Variants in CD163L1 observed in about 807,000 individuals in gnomAD.
The protein encoded by CD163L1 is CD163 molecule like 1.
A neutral mutation model predicts 165.4 loss-of-function variants in CD163L1; 124 were observed. The ratio of observed to expected loss-of-function variants is 0.75; its 90% confidence interval spans 0.65 to 0.87. CD163L1 has a LOEUF of 0.87. Among genes scored for constraint, CD163L1 ranks in the 40% least tolerant of loss-of-function variants. CD163L1 has a pLI of 0.00. For synonymous variants in CD163L1, 585 were observed against 662.2 expected (o/e 0.88, Z 1.79); for missense variants, 1,525 against 1,799.9 (o/e 0.85, Z 2.76).
At chr12:7,416,985 T>C (rs1948255393) in intron 4 of CD163L1, among the ~76,000 whole-genome samples, 3 of 152,188 alleles carry the variant, frequency 2.0e-5, no homozygotes, top group African/African-American at 7.2e-5. Context: ...GGGGATAGCA[T>C]TGAATCTATA....
intron 9 of CD163L1, among the ~76,000 whole-genome samples, chr12:7,376,881 A>G (rs1182711413): frequency 6.6e-6 from 1 of 152,172 alleles, no homozygotes; most frequent in Admixed American, 6.5e-5. Flanking sequence ...TTATTCCTCT[A>G]TAGTTCATCT....
chr12:7,369,567 G>A lies in CD163L1; in HGVS notation c.3829C>T (p.Leu1277=). 1 of 1,614,152 alleles carries A rather than the reference G, an allele frequency of 6.2e-7. No individual in the cohort carries two copies. Among genetic ancestry groups the A allele is most frequent in the East Asian group, 2.2e-5 (1 of 44,892 alleles). ...WGTVCDDSWD[L]AEAEVVCQQL... is the part of the protein sequence containing the mutation. ...TGACACACCACTTCCGCCTCGGCCA[G>A]GTCCCAGGAGTCATCACACACTGTG... The change falls in exon 15 of 20, where the codon CTG becomes TTG. Residue 1277 remains leucine (L), a synonymous_variant. Coordinates refer to ENST00000313599, the MANE Select transcript of CD163L1 (RefSeq NM_174941.6). The surrounding 1 kb of genome is among the most constrained non-coding windows in gnomAD (Gnocchi z 4.9).
Position 7,400,106 on chromosome 12 carries a change from C to T in CD163L1, c.1409-1522G>A, listed in dbSNP as rs999935996. On this transcript the variant is annotated intron_variant, in intron 6 of 19. Transcript: ENST00000313599. This position sits in a 1 kb window ranked among gnomAD's most constrained non-coding sequence, Gnocchi z 4.1. ...TAACATTTAATGATTGCATAGGATA[C>T]CATCATATAGAGATATAGAGATTCT... Among the ~76,000 whole-genome samples the T allele has an allele frequency of 2.6e-5, 4 of 152,028 alleles. No homozygotes were observed. Among genetic ancestry groups the T allele is most frequent in the African/African-American group, 9.7e-5 (4 of 41,392 alleles).
intron 4 of CD163L1, among the ~76,000 whole-genome samples, chr12:7,416,800 A>G (rs1948251505): frequency 6.6e-6 from 1 of 152,176 alleles, no homozygotes; most frequent in Admixed American, 6.5e-5. Context: ...TATGAGTACC[A>G]TGCTGTTTCA....
At chr12:7,348,301 T>C (rs1946684296) in intron 4 of CD163L1, among the ~76,000 whole-genome samples, 1 of 152,200 alleles carries the variant, frequency 6.6e-6, no homozygotes, top group Non-Finnish European at 1.5e-5. Context: ...AGTCACATGA[T>C]CATAACTAGT....
chr12:7,417,371 G>C (rs139834284), intron 4 of CD163L1, among the ~76,000 whole-genome samples: 1 of 152,076 alleles, frequency 6.6e-6, no homozygotes, highest in Non-Finnish European at 1.5e-5. Context: ...GAGACTATTT[G>C]ACTTCCTCTC....
At chr12:7,434,706 AAG>A (rs10537937) in intron 2 of CD163L1, among the ~76,000 whole-genome samples, 4 of 151,838 alleles carry the variant, frequency 2.6e-5, no homozygotes, top group Non-Finnish European at 4.4e-5. Flanking sequence ...AAGAGACAGA[AAG>A]AGAGAGAGAC....
chr12:7,392,238 C>T lies in CD163L1; in HGVS notation c.2050+3857G>A, dbSNP rs183208106. Among the ~76,000 whole-genome samples the T allele has an allele frequency of 4.5e-3, 680 of 152,190 alleles. 1 individual carries two copies. The highest frequency in any genetic ancestry group is 7.6e-3 in the Non-Finnish European group (517 of 68,010). ...CAACAAACAGTCTCTCAGACCACAG[C>T]GCAATCAAATTAGAACTCAGAATTA... On this transcript the variant is annotated intron_variant, in intron 8 of 19. Coordinates refer to ENST00000313599, the MANE Select transcript of CD163L1 (RefSeq NM_174941.6).
chr12:7,399,586 CTT>C (rs1420796421), intron 6 of CD163L1, among the ~76,000 whole-genome samples: 3 of 49,424 alleles, frequency 6.1e-5, no homozygotes, highest in Non-Finnish European at 1.3e-4. Flanking sequence ...CTCTCTCTCT[CTT>C]TCTTTCTTTC....
the CD163L1 span, among the ~76,000 whole-genome samples, chr12:7,336,938 A>AACCAAAATAGCATGGTAATGGT: frequency 6.6e-6 from 1 of 152,178 alleles, no homozygotes; most frequent in Admixed American, 6.6e-5. Context: ...AGGCTACAGT[A>AACCAAAATAGCATGGTAATGGT]ACCAAAATAG....
At chr12:7,342,279 A>G (rs373550001), downstream of CD163L1, among the ~76,000 whole-genome samples, 4 of 152,336 alleles carry the variant, frequency 2.6e-5, no homozygotes, top group South Asian at 6.2e-4. Context: ...AAAACCACTT[A>G]AAGGCATTCT....
chr12:7,333,145 A>G, the CD163L1 span, among the ~76,000 whole-genome samples: 31 of 152,328 alleles, frequency 2.0e-4, 1 homozygote, highest in South Asian at 2.9e-3. Context: ...CGGACCTAAT[A>G]GACATCTACA....
the CD163L1 span, among the ~76,000 whole-genome samples, chr12:7,339,913 T>C: frequency 6.6e-6 from 1 of 152,152 alleles, no homozygotes; most frequent in Non-Finnish European, 1.5e-5. Flanking sequence ...CAGAGGGACT[T>C]TGTAGGTATG....
chr12:7,396,873 AAG>A (rs1491465519), intron 7 of CD163L1, among the ~76,000 whole-genome samples: 1 of 151,988 alleles, frequency 6.6e-6, no homozygotes, highest in African/African-American at 2.4e-5. Flanking sequence ...AGAGAGAGAG[AAG>A]AGAGGCTCAC....
At chr12:7,367,212 T>C (rs754549982) in intron 18 of CD163L1, 24 bp downstream of exon 18, 6 of 1,446,498 alleles carry the variant, frequency 4.1e-6, no homozygotes, top group Non-Finnish European at 5.8e-6. Context: ...CTCCATGGAG[T>C]GCGGCCCCTG....
At chr12:7,442,078 A>G (rs1948837918) in intron 1 of CD163L1, among the ~76,000 whole-genome samples, 1 of 152,248 alleles carries the variant, frequency 6.6e-6, no homozygotes, top group Non-Finnish European at 1.5e-5. Context: ...TTATAGAAAG[A>G]TTATTTTAAA....
At chr12:7,439,504 T>C in intron 2 of CD163L1, 4 of 1,582,710 alleles carry the variant, frequency 2.5e-6, no homozygotes, top group Non-Finnish European at 3.4e-6. Context: ...TGGGCTTTTC[T>C]CCTCTCTCTG....
At position 7,420,996 on chromosome 12, in the gene CD163L1, CAT is replaced by C. The variant is rs1187492436; in HGVS notation, c.766+11418_766+11419del. Among the ~76,000 whole-genome samples the C allele has an allele frequency of 2.0e-4, 24 of 122,786 alleles. No homozygotes were observed. The East Asian group carries it at 4.1e-3, about 21-fold the overall frequency. 80.6% of individuals were successfully genotyped at this position (122,786 alleles called of 152,430 possible). On this transcript the variant is annotated intron_variant, in intron 4 of 19. Transcript: ENST00000313599. ...GTAAAGAAATTGTGGTATATATATA[CAT>C]ATATATATATACGTGTATATATATA...
rs769558243 is a variant in CD163L1, at chr12:7,369,497, G to A, written c.3899C>T (p.Ser1300Leu). The stretch of plus-strand genomic sequence containing the variant: ...GATGGTTCCAGTTCCCTGGCCAAAC[G>A]AAGCGTCCCTCAGGGCAGCCAGAGC... ...GSALAALRDASFGQGTGTIWL... is the reference protein window; with the variant it reads ...GSALAALRDALFGQGTGTIWL... The change falls in exon 15 of 20, where the codon TCG (serine) becomes TTG (leucine). Residue 1300 changes from serine (S) to leucine (L), a missense_variant. Ser to Leu is a moderately radical substitution (Grantham distance 145, BLOSUM62 -2). Transcript: ENST00000313599. This position sits in a 1 kb window ranked among gnomAD's most constrained non-coding sequence, Gnocchi z 4.9. 2.7e-5 allele frequency: 44 copies of A among 1,613,950 alleles called. No individual in the cohort carries two copies. Among genetic ancestry groups the A allele is most frequent in the African/African-American group, 9.3e-5 (7 of 74,878 alleles).
Sources: gnomAD v4.1 joint callset for allele counts (sites outside exome capture counted in the v4.1 genomes callset) on GRCh38, gnomAD v4.1.1 for gene constraint, Gnocchi (gnomAD v3.1) non-coding constraint, MANE v1.5 for transcripts, NCBI Gene and HGNC (gene_info 2026-07-23, HGNC 2026-07-21) for gene names.